The following RAPGEF5 variants were observed in gnomAD, a reference collection of about 807,000 sequenced individuals.
The protein encoded by RAPGEF5 is Rap guanine nucleotide exchange factor 5, also known as M-Ras-regulated GEF.
Under a neutral mutation model 125.2 loss-of-function variants are expected in RAPGEF5, and 65 were observed. That is an observed-to-expected ratio of 0.52 (90% CI 0.43 to 0.64). The LOEUF (loss-of-function observed/expected upper bound fraction) is 0.64, where lower values mean the gene tolerates loss of function less well. Ranked by LOEUF, RAPGEF5 falls within the 30% of genes least tolerant of loss-of-function variation. The pLI, the probability that RAPGEF5 is intolerant of heterozygous loss-of-function variation, is 0.00. For synonymous variants in RAPGEF5, 391 were observed against 385.9 expected, an observed-to-expected ratio of 1.01 and a Z score of -0.16; for missense variants, 958 against 1,048.1, an observed-to-expected ratio of 0.91 and a Z score of 1.19.
At position 22,317,246 on chromosome 7, in the gene RAPGEF5, T is replaced by C. The variant is rs182664092; in HGVS notation, c.282+741A>G. 2.8e-3 allele frequency among the ~76,000 whole-genome samples: 420 copies of C among 149,698 alleles called. 2 individuals carry two copies. In the East Asian group the frequency reaches 0.034, roughly 12 times the overall value. On this transcript the variant is annotated intron_variant, in intron 2 of 25. Transcript: ENST00000665637. ...AAAAAATGCAACTTTTTTTTTCTTT[T>C]TTTTTTTTTTTTGAGATGGAGTCTT...
At chr7:22,218,857 T>G (rs1279550832) in intron 9 of RAPGEF5, among the ~76,000 whole-genome samples, 1 of 152,204 alleles carries the variant, frequency 6.6e-6, no homozygotes, top group Non-Finnish European at 1.5e-5. Context: ...AATTATTCTC[T>G]TTCTTGAGAC....
At chr7:22,347,400 A>G (rs1356743185) in intron 1 of RAPGEF5, among the ~76,000 whole-genome samples, 1 of 152,194 alleles carries the variant, frequency 6.6e-6, no homozygotes, top group Non-Finnish European at 1.5e-5. Flanking sequence ...TATTTTTTAA[A>G]TAAAACACAT....
At chr7:22,166,302 T>C (rs1472878188) in intron 12 of RAPGEF5, among the ~76,000 whole-genome samples, 1 of 151,814 alleles carries the variant, frequency 6.6e-6, no homozygotes, top group Non-Finnish European at 1.5e-5. Flanking sequence ...TGGTTTAGAG[T>C]GGAATCTTCA....
chr7:22,189,667 G>T (rs1454739154), intron 11 of RAPGEF5, among the ~76,000 whole-genome samples: 1 of 150,506 alleles, frequency 6.6e-6, no homozygotes, highest in African/African-American at 2.4e-5. Context: ...CCTGAACCTT[G>T]GAAAAAAAAA....
intron 7 of RAPGEF5, among the ~76,000 whole-genome samples, chr7:22,262,997 G>A (rs1009528183): frequency 6.6e-6 from 1 of 152,124 alleles, no homozygotes; most frequent in Non-Finnish European, 1.5e-5. Flanking sequence ...CAAGGAAAAA[G>A]CTATTGATAT....
At chr7:22,319,936 C>A (rs1162013885) in intron 1 of RAPGEF5, among the ~76,000 whole-genome samples, 1 of 152,084 alleles carries the variant, frequency 6.6e-6, no homozygotes, top group Non-Finnish European at 1.5e-5. Context: ...CGGAATCTGG[C>A]TGTCTACACA....
chr7:22,216,573 A>C (rs910582884), intron 9 of RAPGEF5, among the ~76,000 whole-genome samples: 1 of 152,186 alleles, frequency 6.6e-6, no homozygotes, highest in Non-Finnish European at 1.5e-5. Context: ...CACAGAATTA[A>C]GGCTAGGAAA....
chr7:22,150,211 G>T (rs1783579754), intron 18 of RAPGEF5, among the ~76,000 whole-genome samples, 196 bp downstream of exon 18: 2 of 151,102 alleles, frequency 1.3e-5, no homozygotes, highest in African/African-American at 4.9e-5. Context: ...CACACCTAGG[G>T]ACAACAGGTG....
chr7:22,226,907 A>G (rs1205539473), intron 8 of RAPGEF5, among the ~76,000 whole-genome samples: 1 of 152,206 alleles, frequency 6.6e-6, no homozygotes, highest in Non-Finnish European at 1.5e-5. Flanking sequence ...AGCTAGGAAT[A>G]AGGCAGAAAC....
intron 1 of RAPGEF5, among the ~76,000 whole-genome samples, chr7:22,329,004 C>T (rs748387853): frequency 1.2e-4 from 19 of 152,190 alleles, no homozygotes; most frequent in Non-Finnish European, 1.6e-4. Flanking sequence ...TTCCAATTTA[C>T]GTGTATTCTG....
chr7:22,161,708 T>C (rs1306444445), intron 13 of RAPGEF5, among the ~76,000 whole-genome samples: 1 of 152,220 alleles, frequency 6.6e-6, no homozygotes. Context: ...GACAACTGAA[T>C]GTTGAATTCA....
chr7:22,193,360 G>GCCTT lies in RAPGEF5; in HGVS notation c.1204+3_1204+6dup, dbSNP rs1785055920. 3.2e-6 allele frequency: 5 copies of GCCTT among 1,576,972 alleles called. No individual in the cohort carries two copies. In the South Asian group the frequency reaches 4.7e-5, roughly 15 times the overall value. ...AGTCTGGAAGCATGAGCTACTCAGAGCCTTACCTGTTTCTTTGTCCTGGAC... is the reference window on the plus strand; with the variant it reads ...AGTCTGGAAGCATGAGCTACTCAGAGCCTTCCTTACCTGTTTCTTTGTCCTGGAC... On this transcript the variant is annotated splice_region_variant and intron_variant, in intron 11 of 25. Transcript: ENST00000665637.
At chr7:22,255,592 ACAAAAC>A (rs71550467) in intron 7 of RAPGEF5, among the ~76,000 whole-genome samples, 24,943 of 151,914 alleles carry the variant, frequency 0.16, 2,558 homozygotes, top group East Asian at 0.55. Flanking sequence ...CTGTCTCAAA[ACAAAAC>A]CAAAACCAAA....
chr7:22,152,497 A>G (rs1217983970), intron 17 of RAPGEF5, among the ~76,000 whole-genome samples: 2 of 152,204 alleles, frequency 1.3e-5, no homozygotes, highest in African/African-American at 2.4e-5. Flanking sequence ...AATATGAAAG[A>G]TTAAAACTGA....
At position 22,151,431 on chromosome 7, in the gene RAPGEF5, T is replaced by G. The variant is rs376979161; in HGVS notation, c.1787-927A>C. Among the ~76,000 whole-genome samples, 7 of 151,650 alleles carry G rather than the reference T, an allele frequency of 4.6e-5. No homozygotes were observed. In the East Asian group the frequency reaches 1.4e-3, roughly 29 times the overall value. Reference sequence around the variant, plus strand: ...TTTTCCTAAAAAATAGGTATAAAACTTGCACACTGACCAACACTGATCATT... The same window carrying G: ...TTTTCCTAAAAAATAGGTATAAAACGTGCACACTGACCAACACTGATCATT... On this transcript the variant is annotated intron_variant, in intron 17 of 25. Transcript: ENST00000665637.
Position 22,163,103 on chromosome 7 carries a change from G to A in RAPGEF5, c.1284-562C>T, listed in dbSNP as rs142749655. The A allele has an allele frequency of 2.6e-4, 57 of 218,976 alleles. No homozygotes were observed. In the East Asian group the frequency reaches 8.4e-3, roughly 32 times the overall value. 13.6% of individuals were successfully genotyped at this position (218,976 alleles called of 1,614,324 possible). The stretch of plus-strand genomic sequence containing the variant: ...ACATGTGTGAACACAGAGGTAAAAG[G>A]GACTGCTAATTTTCATTTTAAAATA... On this transcript the variant is annotated intron_variant, in intron 12 of 25. Coordinates refer to ENST00000665637, the MANE Select transcript of RAPGEF5 (RefSeq NM_012294.5).
chr7:22,191,944 G>T (rs1321570546), intron 11 of RAPGEF5, among the ~76,000 whole-genome samples: 1 of 152,176 alleles, frequency 6.6e-6, no homozygotes, highest in African/African-American at 2.4e-5. Flanking sequence ...TAAGAAGAAG[G>T]AAGTATTCAA....
intron 9 of RAPGEF5, among the ~76,000 whole-genome samples, chr7:22,201,249 T>C (rs1050527998): frequency 3.9e-5 from 6 of 152,224 alleles, no homozygotes; most frequent in Non-Finnish European, 8.8e-5. Context: ...AGGAATATCA[T>C]GACCTTTCTC....
At chr7:22,131,485 G>A (rs1045264724) in intron 23 of RAPGEF5, among the ~76,000 whole-genome samples, 1 of 152,206 alleles carries the variant, frequency 6.6e-6, no homozygotes, top group African/African-American at 2.4e-5. Flanking sequence ...ATTTTAGTAA[G>A]TATGTGTTTG....
Sources: allele counts gnomAD v4.1 joint callset (sites outside exome capture counted in the v4.1 genomes callset), GRCh38; gene constraint gnomAD v4.1.1; transcripts MANE v1.5; gene names NCBI Gene and HGNC (gene_info 2026-07-23, HGNC 2026-07-21).